SASH1: variants seen among roughly 807,000 people sequenced by gnomAD.
SASH1 encodes SAM and SH3 domain containing 1.
SASH1 carries 44 observed loss-of-function variants against 125.2 expected under a neutral mutation model. The ratio of observed to expected loss-of-function variants is 0.35; its 90% CI spans 0.28 to 0.45. The LOEUF (loss-of-function observed/expected upper bound fraction) is 0.45, where lower values mean the gene tolerates loss of function less well. Ranked by LOEUF, SASH1 falls within the 20% of genes least tolerant of loss-of-function variation. The pLI is 1.00. For missense variants in SASH1, 1,426 were observed against 1,614.5 expected (o/e 0.88, Z 2.00); for synonymous variants, 639 against 649.1 (o/e 0.98, Z 0.24).
At chr6:148,299,563 G>A (rs895707885) in intron 1 of SASH1, among the ~76,000 whole-genome samples, 3 of 151,594 alleles carry the variant, frequency 2.0e-5, no homozygotes, top group Admixed American at 2.0e-4. Flanking sequence ...GCTACTCGGG[G>A]GGCTCAGGAA....
intron 1 of SASH1, among the ~76,000 whole-genome samples, chr6:148,363,931 A>G (rs1782348768): frequency 6.6e-6 from 1 of 152,206 alleles, no homozygotes; most frequent in South Asian, 2.1e-4. Context: ...CATTTTAATT[A>G]AACTCTAATG....
At chr6:148,530,100 C>T (rs1462556702) in intron 12 of SASH1, among the ~76,000 whole-genome samples, 2 of 152,138 alleles carry the variant, frequency 1.3e-5, no homozygotes, top group Non-Finnish European at 2.9e-5. Context: ...CCACTGCGCC[C>T]ACCTTGTGTG....
chr6:148,525,238 C>CT, intron 10 of SASH1, 53 bp from the exon 11 acceptor site: 1 of 1,409,912 alleles, frequency 7.1e-7, no homozygotes, highest in Non-Finnish European at 1.0e-6. Flanking sequence ...TGGTGCACTG[C>CT]CGGCTGGCTT....
In SASH1 at chr6:148,379,830, A is replaced by G. The variant is rs1170286444; in HGVS notation, c.157-10304A>G. On this transcript the variant is annotated intron_variant, in intron 1 of 19. Transcript: ENST00000367467. ...TTACAGTGGGAAATTTCAGATGTAT[A>G]CCAAGTGGGGAGCATATGTTAAAGA... is the stretch of plus-strand genomic sequence containing the variant. 9.1e-6 allele frequency: 4 copies of G among 439,874 alleles called. No homozygotes were observed. In the East Asian group the frequency reaches 2.8e-4, roughly 31 times the overall value. The allele number at this position is 439,874 out of a possible 1,614,324, so 27.2% of individuals were successfully genotyped here. A position where few individuals can be genotyped will look rare whatever the true frequency, so the allele number is the denominator to read the frequency against.
chr6:148,266,467 A>G, the SASH1 span, among the ~76,000 whole-genome samples: 1 of 152,234 alleles, frequency 6.6e-6, no homozygotes, highest in Non-Finnish European at 1.5e-5. Context: ...TACCTCACAG[A>G]GTCTTCAAGA....
chr6:148,264,253 T>C, the SASH1 span, among the ~76,000 whole-genome samples: 1 of 151,380 alleles, frequency 6.6e-6, no homozygotes. Context: ...CAATGGTCTA[T>C]ATATCTATAT....
the SASH1 span, among the ~76,000 whole-genome samples, chr6:148,232,807 GA>G: frequency 6.6e-6 from 1 of 152,198 alleles, no homozygotes; most frequent in African/African-American, 2.4e-5. Context: ...GTGCCCACGA[GA>G]AACTAGCTTT....
intron 1 of SASH1, among the ~76,000 whole-genome samples, chr6:148,389,794 G>A (rs1261527056): frequency 6.6e-6 from 1 of 152,242 alleles, no homozygotes; most frequent in Non-Finnish European, 1.5e-5. Flanking sequence ...GCCCTGCTAG[G>A]CAGGCAGAGA....
intron 7 of SASH1, among the ~76,000 whole-genome samples, chr6:148,486,768 TAC>T (rs1778865057): frequency 1.5e-5 from 2 of 133,842 alleles, no homozygotes; most frequent in Non-Finnish European, 3.2e-5. Context: ...AAAAAAAAAA[TAC>T]AAAAATTAGG....
chr6:148,268,811 T>C (rs1283412964), upstream of SASH1, among the ~76,000 whole-genome samples: 1 of 152,210 alleles, frequency 6.6e-6, no homozygotes, highest in Non-Finnish European at 1.5e-5. Flanking sequence ...AGAAAGATAA[T>C]GGAGATTGAT....
chr6:148,303,985 A>C (rs1780049129), intron 1 of SASH1, among the ~76,000 whole-genome samples: 1 of 152,112 alleles, frequency 6.6e-6, no homozygotes, highest in Non-Finnish European at 1.5e-5. Context: ...GCCTATATTT[A>C]AAAGGAAGAA....
intron 2 of SASH1, among the ~76,000 whole-genome samples, chr6:148,403,530 G>A (rs1006950164): frequency 6.6e-6 from 1 of 152,056 alleles, no homozygotes; most frequent in African/African-American, 2.4e-5. Context: ...TTAACAGCTG[G>A]GTTTTTGTTT....
At chr6:148,362,171 C>T (rs919167533) in intron 1 of SASH1, among the ~76,000 whole-genome samples, 5 of 151,400 alleles carry the variant, frequency 3.3e-5, no homozygotes, top group Non-Finnish European at 5.9e-5. Flanking sequence ...TTGTGATCCG[C>T]CCACCTTGGC....
At chr6:148,368,044 C>CT (rs1238309756) in intron 1 of SASH1, among the ~76,000 whole-genome samples, 1 of 152,250 alleles carries the variant, frequency 6.6e-6, no homozygotes. Flanking sequence ...CAACTGTACA[C>CT]TGTAGGCATC....
rs976346331 is a variant in SASH1 at position 148,532,569 on chromosome 6, C to T, written c.1565-228C>T. On this transcript the variant is annotated intron_variant, in intron 13 of 19. Coordinates refer to ENST00000367467, the MANE Select transcript of SASH1 (RefSeq NM_015278.5). This position sits in a 1 kb window ranked among gnomAD's most constrained non-coding sequence, Gnocchi z 4.7. ...GGATCCTCCGTGCCACATGGATTCCCAGGTCATGAGGGTAACTTGCTGTGA... is the reference window on the plus strand; with the variant it reads ...GGATCCTCCGTGCCACATGGATTCCTAGGTCATGAGGGTAACTTGCTGTGA... 6.6e-6 allele frequency among the ~76,000 whole-genome samples: 1 copy of T among 152,178 alleles called. No homozygotes were observed. Among genetic ancestry groups the T allele is most frequent in the African/African-American group, 2.4e-5 (1 of 41,430 alleles).
rs540380264 is a variant in SASH1 at position 148,283,706 on chromosome 6, G to A, written n.74+11329G>A. Reference sequence around the variant, plus strand: ...GGAGAATCATTTGAACCCGAGAGACGGAGGTTGCAGGGAGCCAAGATCGCA... The same window carrying A: ...GGAGAATCATTTGAACCCGAGAGACAGAGGTTGCAGGGAGCCAAGATCGCA... On this transcript the variant is annotated intron_variant and non_coding_transcript_variant, in intron 1 of 3. Transcript: ENST00000367469. Among the ~76,000 whole-genome samples the A allele has an allele frequency of 1.0e-3, 159 of 152,006 alleles. 1 individual carries two copies. The highest frequency in any genetic ancestry group is 1.5e-3 in the Non-Finnish European group (99 of 67,950).
intron 2 of SASH1, among the ~76,000 whole-genome samples, chr6:148,416,570 G>A (rs1002108256): frequency 2.6e-5 from 4 of 152,260 alleles, no homozygotes; most frequent in Non-Finnish European, 4.4e-5. Flanking sequence ...CCTAATTAAC[G>A]GCACAATGTC....
rs1782849001 is a variant in SASH1 at position 148,551,020 on chromosome 6, G to A, written c.*2462G>A. ...TTATCACACTTCTTTGGAAATCAAT[G>A]CCTTTGCATAGAAAATCAAATTCAG... On this transcript the variant is annotated 3_prime_UTR_variant, in exon 20 of 20. Coordinates refer to ENST00000367467, the MANE Select transcript of SASH1 (RefSeq NM_015278.5). 1 of 152,622 alleles carries A rather than the reference G, an allele frequency of 6.6e-6. No individual in the cohort carries two copies. The highest frequency in any genetic ancestry group is 1.5e-5 in the Non-Finnish European group (1 of 68,038). The allele number at this position is 152,622 out of a possible 1,614,324, so 9.5% of individuals were successfully genotyped here.
At position 148,519,834 on chromosome 6, in the gene SASH1, G is replaced by A. The variant is rs747220260; in HGVS notation, c.1150G>A (p.Val384Met). ...CCCAGAAGAAGAAAAGGCCCAGAAA[G>A]TGTCCCGCTCCCTCACCGAGGGGGA... ...SYPEEEKAQKVSRSLTEGEMK... is the reference protein window; with the variant it reads ...SYPEEEKAQKMSRSLTEGEMK... The change falls in exon 10 of 20, where the codon GTG becomes ATG. Residue 384 changes from valine (V) to methionine (M), a missense_variant. Physicochemically the swap from Val to Met is conservative, Grantham distance 21. Transcript: ENST00000367467. This position sits in a 1 kb window ranked among gnomAD's most constrained non-coding sequence, Gnocchi z 4.8. 3.1e-6 allele frequency: 5 copies of A among 1,611,034 alleles called. No individual in the cohort carries two copies. In the South Asian group the frequency reaches 5.5e-5, roughly 18 times the overall value.
Sources: gnomAD v4.1 joint callset for allele counts (sites outside exome capture counted in the v4.1 genomes callset) on GRCh38, gnomAD v4.1.1 for gene constraint, Gnocchi (gnomAD v3.1) non-coding constraint, MANE v1.5 for transcripts, NCBI Gene and HGNC (gene_info 2026-07-23, HGNC 2026-07-21) for gene names.